GABRB2: variants seen among roughly 807,000 people sequenced by gnomAD.
GABRB2 encodes gamma-aminobutyric acid type A receptor subunit beta2.
A neutral mutation model predicts 54.7 loss-of-function variants in GABRB2; 16 were observed. That is an observed-to-expected ratio of 0.29 (90% CI 0.20 to 0.44). The LOEUF (loss-of-function observed/expected upper bound fraction) is 0.44. Among genes scored for constraint, GABRB2 ranks in the 20% least tolerant of loss-of-function variants. GABRB2 has a pLI of 1.00. For synonymous variants in GABRB2, 244 were observed against 233.8 expected, an observed-to-expected ratio of 1.04 and a Z score of -0.40; for missense variants, 355 against 644.0, an observed-to-expected ratio of 0.55 and a Z score of 4.86.
At position 161,293,003 on chromosome 5, in the gene GABRB2, T is replaced by C. The variant is rs1038864592; in HGVS notation, c.*1078A>G. 3 of 152,156 alleles carry C rather than the reference T, an allele frequency of 2.0e-5. No homozygotes were observed. The highest frequency in any genetic ancestry group is 4.8e-5 in the African/African-American group (2 of 41,436). The allele number at this position is 152,156 out of a possible 1,614,324, so 9.4% of individuals were successfully genotyped here. ...AGAAATAAAATTATAGGGACAAAAA[T>C]TGCAGGGACAGCTGACTTCGTCTGA... On this transcript the variant is annotated 3_prime_UTR_variant, in exon 10 of 10. Coordinates refer to ENST00000393959, the MANE Select transcript of GABRB2 (RefSeq NM_001371727.1).
chr5:161,326,436 A>G lies in GABRB2; in HGVS notation c.1123T>C (p.Leu375=), dbSNP rs771614771. ...GAGAGGTTTCCAGTAGGGTCCCACA[A>G]GGATCGATATTGGGTCCCATTTTGT... ...IKQNGTQYRS[L]WDPTGNLSPT... is the part of the protein sequence containing the mutation. Residue 375 remains leucine, a synonymous_variant, in exon 9 of 10, where the codon TTG becomes CTG. Transcript: ENST00000393959. 7 of 1,613,734 alleles carry G rather than the reference A, an allele frequency of 4.3e-6. No individual in the cohort carries two copies. Among genetic ancestry groups the G allele is most frequent in the Non-Finnish European group, 5.9e-6 (7 of 1,179,694 alleles).
intron 5 of GABRB2, among the ~76,000 whole-genome samples, chr5:161,395,897 G>A (rs184492978): frequency 1.3e-5 from 2 of 152,214 alleles, no homozygotes; most frequent in African/African-American, 4.8e-5. Flanking sequence ...AATGTGATTT[G>A]CAAGAATATA....
At chr5:161,428,329 A>G (rs972465186) in intron 4 of GABRB2, among the ~76,000 whole-genome samples, 8 of 142,160 alleles carry the variant, frequency 5.6e-5, no homozygotes, top group African/African-American at 1.9e-4. Flanking sequence ...GTGTGACAAG[A>G]GCAGCTGAAA....
chr5:161,481,139 A>G (rs1013168345), intron 3 of GABRB2, among the ~76,000 whole-genome samples: 10 of 152,080 alleles, frequency 6.6e-5, no homozygotes, highest in Non-Finnish European at 1.3e-4. Flanking sequence ...ACATGGGCCC[A>G]GTTTTCAAGC....
At chr5:161,361,002 C>T (rs1430631298) in intron 5 of GABRB2, among the ~76,000 whole-genome samples, 1 of 151,406 alleles carries the variant, frequency 6.6e-6, no homozygotes, top group Non-Finnish European at 1.5e-5. Flanking sequence ...ACGGTGAGAC[C>T]CCGTCTCTAA....
chr5:161,547,216 G>A (rs1222338557), upstream of GABRB2: 1 of 127,504 alleles, frequency 7.8e-6, no homozygotes, highest in African/African-American at 3.0e-5. Context: ...GGCGGGGGTT[G>A]TGCAGCGGGT....
chr5:161,372,002 T>G (rs1755146570), intron 5 of GABRB2, among the ~76,000 whole-genome samples: 1 of 152,128 alleles, frequency 6.6e-6, no homozygotes, highest in African/African-American at 2.4e-5. Flanking sequence ...ACTGTTGGGA[T>G]TACAGGCATG....
At chr5:161,404,178 A>T (rs571361940) in intron 5 of GABRB2, among the ~76,000 whole-genome samples, 20 of 152,270 alleles carry the variant, frequency 1.3e-4, no homozygotes, top group Non-Finnish European at 1.9e-4. Context: ...ATGAAGGACC[A>T]ACTGTTAAAC....
intron 9 of GABRB2, among the ~76,000 whole-genome samples, chr5:161,298,063 G>A (rs76090942): frequency 0.025 from 3,863 of 152,088 alleles, 73 homozygotes; most frequent in East Asian, 0.076. Flanking sequence ...ACGTTTGTTG[G>A]CCACATAAAT....
chr5:161,530,865 A>T (rs1760437399), intron 3 of GABRB2, among the ~76,000 whole-genome samples: 1 of 152,142 alleles, frequency 6.6e-6, no homozygotes, highest in Admixed American at 6.6e-5. Flanking sequence ...CATACACCAG[A>T]TGCAAATGTG....
At chr5:161,507,344 G>A (rs13172918) in intron 3 of GABRB2, among the ~76,000 whole-genome samples, 2,234 of 152,090 alleles carry the variant, frequency 0.015, 26 homozygotes, top group Non-Finnish European at 0.023. Flanking sequence ...TTGTCCCAAC[G>A]TTAATTTCTT....
rs113569180 is a variant in GABRB2, at chr5:161,343,412, G to A, written c.542-6643C>T. ...TCAGTTTTTTGAATTCAAATCTTAC[G>A]ATGTAGGAGAATAGGAAATCGTTAA... is the stretch of plus-strand genomic sequence containing the variant. On this transcript the variant is annotated intron_variant, in intron 5 of 9. Coordinates refer to ENST00000393959, the MANE Select transcript of GABRB2 (RefSeq NM_001371727.1). 3.2e-3 allele frequency among the ~76,000 whole-genome samples: 489 copies of A among 151,950 alleles called. 2 individuals are homozygous for A. The highest frequency in any genetic ancestry group is 0.011 in the African/African-American group (455 of 41,492).
At chr5:161,409,876 A>G (rs1301123055) in intron 5 of GABRB2, among the ~76,000 whole-genome samples, 1 of 152,164 alleles carries the variant, frequency 6.6e-6, no homozygotes, top group Non-Finnish European at 1.5e-5. Context: ...TAAGGCAAAA[A>G]CATAATTTGA....
rs191414948 is a variant in GABRB2 at position 161,442,197 on chromosome 5, A to T, written c.458+17427T>A. 6.6e-4 allele frequency among the ~76,000 whole-genome samples: 101 copies of T among 152,318 alleles called. 2 individuals are homozygous for T. In the East Asian group the frequency reaches 0.017, roughly 26 times the overall value. On this transcript the variant is annotated intron_variant, in intron 4 of 9. Coordinates refer to ENST00000393959, the MANE Select transcript of GABRB2 (RefSeq NM_001371727.1). ...TCACATTTCATGCCTCTATCAAAAC[A>T]TCTCATGTATCCCATAAATACAAAT...
intron 3 of GABRB2, among the ~76,000 whole-genome samples, chr5:161,509,727 C>T (rs980540602): frequency 9.2e-5 from 14 of 151,898 alleles, no homozygotes; most frequent in African/African-American, 3.4e-4. Context: ...TCAGAACAAA[C>T]AGTGGCTCCA....
At chr5:161,320,849 T>C (rs1199727688) in intron 9 of GABRB2, among the ~76,000 whole-genome samples, 1 of 152,000 alleles carries the variant, frequency 6.6e-6, no homozygotes, top group African/African-American at 2.4e-5. Context: ...TAAATTAGCT[T>C]TCCAGTCATC....
intron 4 of GABRB2, among the ~76,000 whole-genome samples, chr5:161,449,191 G>C (rs900568090): frequency 6.6e-6 from 1 of 152,132 alleles, no homozygotes; most frequent in Non-Finnish European, 1.5e-5. Flanking sequence ...CATGGGTTTT[G>C]AGTTCAATCT....
chr5:161,341,191 T>A (rs1754144474), intron 5 of GABRB2, among the ~76,000 whole-genome samples: 1 of 151,998 alleles, frequency 6.6e-6, no homozygotes, highest in African/African-American at 2.4e-5. Flanking sequence ...TCTTTGGATA[T>A]TCTCTGGAGG....
intron 5 of GABRB2, among the ~76,000 whole-genome samples, chr5:161,390,521 G>A (rs1328453444): frequency 6.6e-6 from 1 of 151,938 alleles, no homozygotes; most frequent in Non-Finnish European, 1.5e-5. Context: ...GTTGATATCT[G>A]AATAAAGACT....
Sources: gnomAD v4.1 joint callset for allele counts (sites outside exome capture counted in the v4.1 genomes callset) on GRCh38, gnomAD v4.1.1 for gene constraint, MANE v1.5 for transcripts, NCBI Gene and HGNC (gene_info 2026-07-23, HGNC 2026-07-21) for gene names.